Variants in OTOF observed in about 807,000 individuals in gnomAD.
OTOF encodes fer-1-like family member 2.
A neutral mutation model predicts 236.8 loss-of-function variants in OTOF; 218 were observed. The observed-to-expected ratio is 0.92, with a 90% CI of 0.82 to 1.03. The LOEUF is 1.03. Ranked by LOEUF, OTOF falls within the 50% of genes least tolerant of loss-of-function variation. The pLI, the probability that OTOF is intolerant of heterozygous loss-of-function variation, is 0.00. For missense variants in OTOF, 2,590 were observed against 2,694.4 expected, an observed-to-expected ratio of 0.96 and a Z score of 0.86; for synonymous variants, 1,041 against 1,072.5, an observed-to-expected ratio of 0.97 and a Z score of 0.57.
In OTOF at chr2:26,466,483, C is replaced by T. The variant is rs552899636; in HGVS notation, c.4500+231G>A. On this transcript the variant is annotated intron_variant, in intron 36 of 46. Coordinates refer to ENST00000272371, the MANE Select transcript of OTOF (RefSeq NM_194248.3). ...TCCTCAGTAGCTGGGATTACAGGTG[C>T]GTGGCACTGTGCCTGGCTAATTTTT... 1.4e-3 allele frequency among the ~76,000 whole-genome samples: 209 copies of T among 152,256 alleles called. 1 individual carries two copies. The highest frequency in any genetic ancestry group is 2.1e-3 in the South Asian group (10 of 4,824).
At chr2:26,547,766 G>A (rs1667369138) in intron 1 of OTOF, among the ~76,000 whole-genome samples, 1 of 152,134 alleles carries the variant, frequency 6.6e-6, no homozygotes, top group African/African-American at 2.4e-5. Context: ...ACTTGAACTG[G>A]GGAGACAGAG....
intron 2 of OTOF, among the ~76,000 whole-genome samples, chr2:26,535,802 C>T (rs1013787004): frequency 1.3e-5 from 2 of 152,130 alleles, no homozygotes; most frequent in Non-Finnish European, 2.9e-5. Flanking sequence ...TCAGGGCCAG[C>T]AGAGACAGAC....
chr2:26,477,908 T>TGA lies in OTOF; in HGVS notation c.2215-160_2215-159insTC. The TGA allele has an allele frequency of 6.5e-7, 1 of 1,531,832 alleles. No individual in the cohort carries two copies. The highest frequency in any genetic ancestry group is 1.4e-5 in the African/African-American group (1 of 72,056). 94.9% of individuals were successfully genotyped at this position (1,531,832 alleles called of 1,614,324 possible). A position where few individuals can be genotyped will look rare whatever the true frequency, so the allele number is the denominator to read the frequency against. On this transcript the variant is annotated intron_variant, in intron 18 of 46. Coordinates refer to ENST00000272371, the MANE Select transcript of OTOF (RefSeq NM_194248.3). The surrounding 1 kb of genome is among the most constrained non-coding windows in gnomAD (Gnocchi z 4.7). Reference sequence around the variant, plus strand: ...TCGGTCATCATGAGGAAGTCATCAATTTCCCAGGTTCTGTTCTCAGAACCT... The same window carrying TGA: ...TCGGTCATCATGAGGAAGTCATCAATGATTCCCAGGTTCTGTTCTCAGAACCT...
At chr2:26,512,042 C>T (rs1366028737) in intron 5 of OTOF, among the ~76,000 whole-genome samples, 1 of 152,142 alleles carries the variant, frequency 6.6e-6, no homozygotes, top group Non-Finnish European at 1.5e-5. Flanking sequence ...TGCAGGCCTC[C>T]ACTGGAGTGG....
chr2:26,526,860 C>A (rs534459459), intron 3 of OTOF, among the ~76,000 whole-genome samples: 1 of 152,068 alleles, frequency 6.6e-6, no homozygotes, highest in African/African-American at 2.4e-5. Flanking sequence ...TAAGAGCAAC[C>A]GATTTTTTTT....
At chr2:26,465,501 T>C (rs1427600080) in intron 38 of OTOF, among the ~76,000 whole-genome samples, 171 bp downstream of exon 38, 3 of 152,196 alleles carry the variant, frequency 2.0e-5, no homozygotes, top group Admixed American at 6.5e-5. Flanking sequence ...TGTTTTGGGA[T>C]CTGCAGTCCT....
At chr2:26,537,063 T>C (rs1323548017) in intron 2 of OTOF, among the ~76,000 whole-genome samples, 1 of 152,170 alleles carries the variant, frequency 6.6e-6, no homozygotes, top group South Asian at 2.1e-4. Context: ...CCTTTGCTGA[T>C]AAAATTGTGA....
intron 11 of OTOF, among the ~76,000 whole-genome samples, 172 bp downstream of exon 11, chr2:26,489,037 TAC>T (rs1665768743): frequency 1.3e-5 from 2 of 152,250 alleles, no homozygotes; most frequent in Non-Finnish European, 2.9e-5. Flanking sequence ...TGCATTTGTG[TAC>T]AGACTGTGCG....
At chr2:26,544,785 C>T (rs1037163841) in intron 1 of OTOF, among the ~76,000 whole-genome samples, 1 of 152,114 alleles carries the variant, frequency 6.6e-6, no homozygotes, top group Non-Finnish European at 1.5e-5. Flanking sequence ...TGCCTGTAAT[C>T]CCAGCACTTT....
In OTOF at chr2:26,460,913, T is replaced by A. The variant is rs756386860; in HGVS notation, c.5651A>T (p.Lys1884Met). The A allele has an allele frequency of 5.6e-6, 9 of 1,614,136 alleles. No homozygotes were observed. Among genetic ancestry groups the A allele is most frequent in the Non-Finnish European group, 7.6e-6 (9 of 1,180,022 alleles). The change falls in exon 44 of 47, where the codon AAG becomes ATG. Residue 1884 changes from lysine (K) to methionine (M), a missense_variant. Physicochemically the swap from Lys to Met is moderately conservative, Grantham distance 95. Coordinates refer to ENST00000272371, the MANE Select transcript of OTOF (RefSeq NM_194248.3). This position sits in a 1 kb window ranked among gnomAD's most constrained non-coding sequence, Gnocchi z 5.3. ...DVPLVSIFKQ[K>M]RVKGWWPLLA... ...GAGGGGCCACCAGCCTTTGACGCGC[T>A]TTTGCTTGAAGATGGACACGAGGGG...
rs1164303712 is a variant in OTOF, at chr2:26,461,949, A to G, written c.5292-12T>C. 3.1e-6 allele frequency: 5 copies of G among 1,613,760 alleles called. No homozygotes were observed. The African/African-American group carries it at 4.0e-5, about 13-fold the overall frequency. ...GGCCCTTCAGCCACCTGTGGGCGCC[A>G]CATCTCCAGACCCGCAGCCAGGCTG... On this transcript the variant is annotated splice_polypyrimidine_tract_variant and intron_variant, in intron 42 of 46. Transcript: ENST00000272371. The surrounding 1 kb of genome is among the most constrained non-coding windows in gnomAD (Gnocchi z 6.2).
intron 2 of OTOF, among the ~76,000 whole-genome samples, chr2:26,533,818 A>G (rs1667005635): frequency 1.3e-5 from 2 of 151,996 alleles, no homozygotes; most frequent in Non-Finnish European, 2.9e-5. Context: ...TCTCAACTCC[A>G]TGCTGGGTGC....
At chr2:26,530,044 A>C (rs1250900203) in intron 2 of OTOF, among the ~76,000 whole-genome samples, 1 of 152,190 alleles carries the variant, frequency 6.6e-6, no homozygotes, top group Admixed American at 6.5e-5. Flanking sequence ...CCAGCTCATC[A>C]GCCAGGGCGC....
intron 6 of OTOF, 28 bp from the exon 7 acceptor site, chr2:26,502,454 G>A: frequency 6.2e-7 from 1 of 1,606,866 alleles, no homozygotes; most frequent in Non-Finnish European, 8.5e-7. Context: ...CTGGTTAGGT[G>A]GGCTGACTGA....
chr2:26,527,228 G>A (rs897128850), intron 3 of OTOF, among the ~76,000 whole-genome samples: 1 of 152,242 alleles, frequency 6.6e-6, no homozygotes, highest in Admixed American at 6.5e-5. Flanking sequence ...GTAAACATTT[G>A]TTGAATGAGT....
intron 2 of OTOF, among the ~76,000 whole-genome samples, chr2:26,530,430 A>C (rs1238916758): frequency 6.6e-6 from 1 of 152,134 alleles, no homozygotes; most frequent in African/African-American, 2.4e-5. Context: ...GCCCTTTCAG[A>C]AATTCGTCAG....
intron 30 of OTOF, 86 bp downstream of exon 30, chr2:26,472,433 C>T: frequency 6.4e-7 from 1 of 1,557,600 alleles, no homozygotes; most frequent in East Asian, 2.2e-5. Flanking sequence ...GTCCTTTTCT[C>T]TCGGGGCAGA....
chr2:26,485,789 G>T (rs1665684735), intron 11 of OTOF, among the ~76,000 whole-genome samples: 3 of 152,208 alleles, frequency 2.0e-5, no homozygotes, highest in Non-Finnish European at 4.4e-5. Flanking sequence ...TGGCCTTTCT[G>T]GGAATAGCCA....
At chr2:26,526,495 A>G (rs1666808387) in intron 3 of OTOF, among the ~76,000 whole-genome samples, 1 of 152,206 alleles carries the variant, frequency 6.6e-6, no homozygotes, top group African/African-American at 2.4e-5. Context: ...TGATAGATGG[A>G]TGGATGGATG....
Sources: gnomAD v4.1 joint callset for allele counts (sites outside exome capture counted in the v4.1 genomes callset) on GRCh38, gnomAD v4.1.1 for gene constraint, Gnocchi (gnomAD v3.1) non-coding constraint, MANE v1.5 for transcripts, NCBI Gene and HGNC (gene_info 2026-07-23, HGNC 2026-07-21) for gene names.